DCAF8L2: variants seen among roughly 807,000 people sequenced by gnomAD.
The protein encoded by DCAF8L2 is DDB1 and CUL4 associated factor 8 like 2.
For missense variants in DCAF8L2, 430 were observed against 490.7 expected (o/e 0.88, Z 1.17); for synonymous variants, 200 against 190.9 (o/e 1.05, Z -0.39).
the DCAF8L2 span, among the ~76,000 whole-genome samples, chrX:27,533,101 GAAGA>G: frequency 3.7e-5 from 2 of 54,450 alleles, no homozygotes; most frequent in Non-Finnish European, 8.4e-5. Flanking sequence ...AGAAAGAAAG[GAAGA>G]AAGGAAGGAA....
At chrX:27,614,772 T>A (rs1368222722) in intron 1 of DCAF8L2, among the ~76,000 whole-genome samples, 1 of 111,440 alleles carries the variant, frequency 9.0e-6, no homozygotes, top group Non-Finnish European at 1.9e-5. Flanking sequence ...TTTGAGTGAG[T>A]TTCTTAATCC....
chrX:27,512,779 CAAA>C, the DCAF8L2 span, among the ~76,000 whole-genome samples: 2 of 18,549 alleles, frequency 1.1e-4, no homozygotes, highest in Non-Finnish European at 8.7e-5. Flanking sequence ...CAATCTTGAG[CAAA>C]AAAAAAAAAA....
chrX:27,660,238 G>A (rs753705027), intron 2 of DCAF8L2, among the ~76,000 whole-genome samples: 2 of 111,212 alleles, frequency 1.8e-5, no homozygotes, highest in Non-Finnish European at 3.8e-5. Flanking sequence ...TGGCCAGACT[G>A]GTCATGAACT....
In DCAF8L2 at chrX:27,748,405, A is replaced by G; in HGVS notation, c.1510A>G (p.Ile504Val). ...CTTCTGGGAGAAATCATCCTGCCAAATCATCCAGTTCCTAAAGGGGAGCAG... is the reference window on the plus strand; with the variant it reads ...CTTCTGGGAGAAATCATCCTGCCAAGTCATCCAGTTCCTAAAGGGGAGCAG... ...IFFWEKSSCQ[I>V]IQFLKGSREG... Residue 504 changes from isoleucine to valine, a missense_variant, in exon 5 of 5, where the codon ATC (isoleucine) becomes GTC (valine). Ile to Val is a conservative substitution (Grantham distance 29). Coordinates refer to ENST00000451261, the MANE Select transcript of DCAF8L2 (RefSeq NM_001353450.2). 1.7e-6 allele frequency: 2 copies of G among 1,202,633 alleles called. No individual in the cohort carries two copies. The highest frequency in any genetic ancestry group is 2.2e-6 in the Non-Finnish European group (2 of 890,247).
chrX:27,635,831 G>GTGTGTGT, intron 2 of DCAF8L2, among the ~76,000 whole-genome samples: 1 of 102,774 alleles, frequency 9.7e-6, no homozygotes, highest in African/African-American at 3.6e-5. Context: ...GTGTGTGTGT[G>GTGTGTGT]ATGGAGTTTT....
the DCAF8L2 span, among the ~76,000 whole-genome samples, chrX:27,498,274 C>T: frequency 8.9e-6 from 1 of 111,887 alleles, no homozygotes; most frequent in African/African-American, 3.3e-5. Context: ...AGTGTCTGTG[C>T]CATTTTAAAA....
chrX:27,631,286 A>G (rs923678193), intron 1 of DCAF8L2, among the ~76,000 whole-genome samples: 2 of 111,986 alleles, frequency 1.8e-5, no homozygotes, highest in Non-Finnish European at 3.8e-5. Flanking sequence ...GAAATCTAAC[A>G]TTATACTTAA....
chrX:27,627,823 ATTGGAGGT>A (rs1490796120), intron 1 of DCAF8L2, among the ~76,000 whole-genome samples: 7 of 108,674 alleles, frequency 6.4e-5, no homozygotes, highest in Non-Finnish European at 1.3e-4. Flanking sequence ...GAACCAGGGA[ATTGGAGGT>A]TTCAGTGAGC....
At chrX:27,682,767 CTG>C (rs1930371715) in intron 3 of DCAF8L2, among the ~76,000 whole-genome samples, 1 of 105,561 alleles carries the variant, frequency 9.5e-6, no homozygotes, top group Non-Finnish European at 1.9e-5. Context: ...AGGAAGAAGA[CTG>C]TATTTCTCAA....
At chrX:27,505,982 G>C in the DCAF8L2 span, among the ~76,000 whole-genome samples, 1 of 111,777 alleles carries the variant, frequency 8.9e-6, no homozygotes, top group Non-Finnish European at 1.9e-5. Flanking sequence ...CATATGCTCT[G>C]GTCAGGACCA....
the DCAF8L2 span, among the ~76,000 whole-genome samples, chrX:27,533,164 G>GAGAA: frequency 0.036 from 619 of 17,232 alleles, 18 homozygotes; most frequent in Non-Finnish European, 0.054. Context: ...GAGAGAGAGA[G>GAGAA]AGAAAGAAAG....
At chrX:27,549,014 A>G in the DCAF8L2 span, among the ~76,000 whole-genome samples, 18 of 111,883 alleles carry the variant, frequency 1.6e-4, no homozygotes, top group African/African-American at 5.8e-4. Flanking sequence ...GAAGCGAAAT[A>G]CAAGGCTGTA....
chrX:27,502,335 A>AATATATATATATATAT, the DCAF8L2 span, among the ~76,000 whole-genome samples: 1 of 12,718 alleles, frequency 7.9e-5, no homozygotes, highest in Non-Finnish European at 1.5e-4. Context: ...AAAAAAAAAA[A>AATATATATATATATAT]ATATATATAT....
chrX:27,498,752 T>C, the DCAF8L2 span, among the ~76,000 whole-genome samples: 1 of 112,294 alleles, frequency 8.9e-6, no homozygotes, highest in South Asian at 3.6e-4. Context: ...CCTTCTACTC[T>C]GCATCTGAGT....
chrX:27,528,206 A>G, the DCAF8L2 span, among the ~76,000 whole-genome samples: 11 of 106,810 alleles, frequency 1.0e-4, no homozygotes, highest in Non-Finnish European at 1.7e-4. Flanking sequence ...AATGTAATTT[A>G]CTACAAGAAA....
chrX:27,644,858 G>A (rs750854408), intron 2 of DCAF8L2, among the ~76,000 whole-genome samples: 18 of 111,810 alleles, frequency 1.6e-4, no homozygotes, highest in African/African-American at 4.5e-4. Flanking sequence ...AGGTTCAAGC[G>A]ATTCTCCTGC....
intron 4 of DCAF8L2, among the ~76,000 whole-genome samples, chrX:27,722,390 G>A (rs1374358402): frequency 1.8e-5 from 2 of 111,277 alleles, no homozygotes; most frequent in Non-Finnish European, 3.8e-5. Flanking sequence ...AAGATCATAG[G>A]TTAGCCCAGT....
the DCAF8L2 span, among the ~76,000 whole-genome samples, chrX:27,584,639 T>C: frequency 9.0e-6 from 1 of 111,529 alleles, no homozygotes; most frequent in Non-Finnish European, 1.9e-5. Context: ...CAGTAAATGT[T>C]CAAAAAGAAA....
chrX:27,609,643 G>A (rs1018516742), intron 1 of DCAF8L2, among the ~76,000 whole-genome samples: 5 of 111,222 alleles, frequency 4.5e-5, no homozygotes, highest in African/African-American at 1.6e-4. Context: ...CCTGCCAAAC[G>A]CCTCTTGGTT....
Sources: allele counts gnomAD v4.1 joint callset (sites outside exome capture counted in the v4.1 genomes callset), GRCh38; gene constraint gnomAD v4.1.1; transcripts MANE v1.5; gene names NCBI Gene and HGNC (gene_info 2026-07-23, HGNC 2026-07-21).